SLC15A2: variants seen among roughly 807,000 people sequenced by gnomAD.
SLC15A2 encodes kidney H(+)/peptide cotransporter.
A neutral mutation model predicts 95.5 loss-of-function variants in SLC15A2; 77 were observed. That is an observed-to-expected ratio of 0.81 (90% CI 0.67 to 0.97). The LOEUF (loss-of-function observed/expected upper bound fraction) is 0.97, where lower values mean the gene tolerates loss of function less well. Ranked by LOEUF, SLC15A2 falls within the 50% of genes least tolerant of loss-of-function variation. The pLI is 0.00. For missense variants in SLC15A2, 893 were observed against 874.4 expected (o/e 1.02, Z -0.27); for synonymous variants, 306 against 306.9 (o/e 1.00, Z 0.03).
chr3:121,908,640 A>G (rs577322985), intron 3 of SLC15A2, among the ~76,000 whole-genome samples: 2 of 152,168 alleles, frequency 1.3e-5, no homozygotes, highest in East Asian at 1.9e-4. Context: ...TTCTTCATGC[A>G]AGCTCTCTTC....
chr3:121,921,447 A>G (rs1313093966), intron 7 of SLC15A2, among the ~76,000 whole-genome samples: 2 of 152,212 alleles, frequency 1.3e-5, no homozygotes, highest in Non-Finnish European at 2.9e-5. Context: ...GTAACCTTGT[A>G]CAAGGTGCTT....
At position 121,944,059 on chromosome 3, in the gene SLC15A2, G is replaced by A. The variant is rs1378157058; in HGVS notation, c.*3052G>A. 1.3e-5 allele frequency: 2 copies of A among 152,186 alleles called. No individual in the cohort carries two copies. Among genetic ancestry groups the A allele is most frequent in the Admixed American group, 6.5e-5 (1 of 15,282 alleles). The allele number at this position is 152,186 out of a possible 1,614,324, so 9.4% of individuals were successfully genotyped here. ...TGAAAAAATGTGGACACACAAATTG[G>A]AAAAGAGGTATAAATGCAGTATTAT... is the stretch of plus-strand genomic sequence containing the variant. On this transcript the variant is annotated 3_prime_UTR_variant, in exon 22 of 22. Coordinates refer to ENST00000489711, the MANE Select transcript of SLC15A2 (RefSeq NM_021082.4).
intron 3 of SLC15A2, among the ~76,000 whole-genome samples, chr3:121,898,357 T>G (rs986539685): frequency 4.6e-5 from 7 of 152,064 alleles, no homozygotes; most frequent in Non-Finnish European, 1.0e-4. Context: ...TTTTCATGAG[T>G]TAGACTATTG....
chr3:121,927,764 T>G lies in SLC15A2; in HGVS notation c.1131T>G (p.Leu377=). The change falls in exon 14 of 22, where the codon CTT becomes CTG. Residue 377 remains leucine, a synonymous_variant. Coordinates refer to ENST00000489711, the MANE Select transcript of SLC15A2 (RefSeq NM_021082.4). ...TTTCTCCTTTCCACCACAGATCACT[T>G]AGGAAAATGGCTGTTGGTATGATCC... The part of the protein sequence containing the change: ...VSKCGINFSS[L]RKMAVGMILA... 6.2e-7 allele frequency: 1 copy of G among 1,613,106 alleles called. No individual in the cohort carries two copies. The highest frequency in any genetic ancestry group is 1.7e-4 in the Middle Eastern group (1 of 6,060).
chr3:121,933,389 G>C (rs1468645959), intron 19 of SLC15A2, among the ~76,000 whole-genome samples: 1 of 149,188 alleles, frequency 6.7e-6, no homozygotes, highest in African/African-American at 2.5e-5. Context: ...CAGTGTAAAA[G>C]TGTTCCTATT....
intron 12 of SLC15A2, among the ~76,000 whole-genome samples, chr3:121,924,722 C>T (rs897611249): frequency 6.6e-6 from 1 of 152,138 alleles, no homozygotes; most frequent in African/African-American, 2.4e-5. Flanking sequence ...AAGACAGGCT[C>T]AGAGTGAAAC....
rs1710491984 is a variant in SLC15A2, at chr3:121,943,232, C to G, written c.*2225C>G. 6.6e-6 allele frequency: 1 copy of G among 151,974 alleles called. No individual in the cohort carries two copies. Among genetic ancestry groups the G allele is most frequent in the Non-Finnish European group, 1.5e-5 (1 of 68,028 alleles). 9.4% of individuals were successfully genotyped at this position (151,974 alleles called of 1,614,324 possible). A position where few individuals can be genotyped will look rare whatever the true frequency, so the allele number is the denominator to read the frequency against. On this transcript the variant is annotated 3_prime_UTR_variant, in exon 22 of 22. Coordinates refer to ENST00000489711, the MANE Select transcript of SLC15A2 (RefSeq NM_021082.4). ...AATGAGCCGAGATCACGCCATCACA[C>G]TCTAGCCTGGGGGACAAGAGTGAGA...
chr3:121,933,172 T>C (rs1489882978), intron 19 of SLC15A2, among the ~76,000 whole-genome samples: 2 of 147,416 alleles, frequency 1.4e-5, no homozygotes, highest in Non-Finnish European at 3.0e-5. Flanking sequence ...TGTTGGACAT[T>C]TGGGTTGGTT....
intron 19 of SLC15A2, 98 bp downstream of exon 19, chr3:121,931,833 G>A (rs1237549910): frequency 4.4e-6 from 3 of 686,678 alleles, no homozygotes; most frequent in Non-Finnish European, 7.8e-6. Flanking sequence ...AAGACTCTGT[G>A]GCAAAGCAGA....
intron 13 of SLC15A2, among the ~76,000 whole-genome samples, chr3:121,925,817 T>C (rs1470712494): frequency 8.1e-6 from 1 of 123,054 alleles, no homozygotes; most frequent in East Asian, 2.7e-4. Flanking sequence ...ATAAGTGTCC[T>C]AAGAAGGGAA....
intron 1 of SLC15A2, among the ~76,000 whole-genome samples, chr3:121,895,020 G>T (rs990942271): frequency 6.6e-5 from 10 of 152,174 alleles, no homozygotes; most frequent in African/African-American, 2.4e-4. Flanking sequence ...GTTACTATGT[G>T]TTCCCAGTTT....
At position 121,940,234 on chromosome 3, in the gene SLC15A2, C is replaced by T. The variant is rs147825900; in HGVS notation, c.1909-150C>T. ...AGCTTCATCTTATTCTTACTGTTTACATTATTAACACCCTCTGAATCAATG... is the reference window on the plus strand; with the variant it reads ...AGCTTCATCTTATTCTTACTGTTTATATTATTAACACCCTCTGAATCAATG... On this transcript the variant is annotated intron_variant, in intron 20 of 21. Transcript: ENST00000489711. 388 of 584,518 alleles carry T rather than the reference C, an allele frequency of 6.6e-4. 4 individuals are homozygous for T. The East Asian group carries it at 9.3e-3, about 14-fold the overall frequency. 36.2% of individuals were successfully genotyped at this position (584,518 alleles called of 1,614,324 possible).
chr3:121,915,743 T>C (rs1709882443), intron 7 of SLC15A2, 50 bp downstream of exon 7: 3 of 1,325,816 alleles, frequency 2.3e-6, no homozygotes, highest in Non-Finnish European at 1.1e-6. Flanking sequence ...ACCTGACACA[T>C]GTAAAGCATC....
chr3:121,924,434 C>T, intron 12 of SLC15A2, 51 bp downstream of exon 12: 2 of 1,435,664 alleles, frequency 1.4e-6, no homozygotes, highest in Non-Finnish European at 2.0e-6. Context: ...CTTATCTATG[C>T]CTCCACCTGC....
At chr3:121,933,391 G>A (rs1299248004) in intron 19 of SLC15A2, among the ~76,000 whole-genome samples, 2 of 149,192 alleles carry the variant, frequency 1.3e-5, no homozygotes, top group Non-Finnish European at 1.5e-5. Context: ...GTGTAAAAGT[G>A]TTCCTATTTC....
At position 121,929,027 on chromosome 3, in the gene SLC15A2, G is replaced by A. The variant is rs574297654; in HGVS notation, c.1387G>A (p.Asp463Asn). ...ACTGCACCTGAAAACAAAAAGCCAGGATTTTCACTTCCACCTGAAATATCA... is the reference window on the plus strand; with the variant it reads ...ACTGCACCTGAAAACAAAAAGCCAGAATTTTCACTTCCACCTGAAATATCA... The part of the protein sequence containing the change: ...SKLHLKTKSQ[D>N]FHFHLKYHNL... The change falls in exon 16 of 22, where the codon GAT becomes AAT. Residue 463 changes from aspartate (D) to asparagine (N), a missense_variant. Transcript: ENST00000489711. 5 of 1,614,030 alleles carry A rather than the reference G, an allele frequency of 3.1e-6. No homozygotes were observed. In the South Asian group the frequency reaches 3.3e-5, roughly 11 times the overall value.
In SLC15A2 at chr3:121,911,619, C is replaced by T; in HGVS notation, c.381C>T (p.Ile127=). The T allele has an allele frequency of 6.2e-7, 1 of 1,614,026 alleles. No homozygotes were observed. Among genetic ancestry groups the T allele is most frequent in the Non-Finnish European group, 8.5e-7 (1 of 1,179,910 alleles). Residue 127 remains isoleucine, a synonymous_variant, in exon 4 of 22, where the codon ATC becomes ATT. Transcript: ENST00000489711. ...TGGTGTATGTGCTTGGCCATGTGAT[C>T]AAGTCCTTGGGTGCCTTACCAATAC... ...LSLVYVLGHV[I]KSLGALPILG... is the part of the protein sequence containing the mutation.
intron 7 of SLC15A2, among the ~76,000 whole-genome samples, chr3:121,918,165 A>T (rs1384718237): frequency 2.0e-5 from 3 of 152,222 alleles, no homozygotes; most frequent in African/African-American, 7.2e-5. Context: ...GCTTAAATTT[A>T]GTGCTTGAGA....
At chr3:121,920,169 C>CTACTGT (rs1709976255) in intron 7 of SLC15A2, among the ~76,000 whole-genome samples, 1 of 152,236 alleles carries the variant, frequency 6.6e-6, no homozygotes, top group African/African-American at 2.4e-5. Flanking sequence ...TATTATCACT[C>CTACTGT]CACTGTCACT....
Sources: gnomAD v4.1 joint callset for allele counts (sites outside exome capture counted in the v4.1 genomes callset) on GRCh38, gnomAD v4.1.1 for gene constraint, MANE v1.5 for transcripts, NCBI Gene and HGNC (gene_info 2026-07-23, HGNC 2026-07-21) for gene names.